CHMP2B: variants seen among roughly 807,000 people sequenced by gnomAD.
CHMP2B encodes the protein VPS2 homolog B.
CHMP2B carries 22 observed loss-of-function variants against 29.8 expected under a neutral mutation model. The ratio of observed to expected loss-of-function variants is 0.74; its 90% CI spans 0.53 to 1.05. The LOEUF (loss-of-function observed/expected upper bound fraction) is 1.05. Among genes scored for constraint, CHMP2B ranks in the 50% least tolerant of loss-of-function variants. The pLI is 0.00. For synonymous variants in CHMP2B, 78 were observed against 75.8 expected, an observed-to-expected ratio of 1.03 and a Z score of -0.15; for missense variants, 261 against 252.2, an observed-to-expected ratio of 1.03 and a Z score of -0.24.
At chr3:87,253,160 T>G (rs576261401) in intron 4 of CHMP2B, 1 of 387,228 alleles carries the variant, frequency 2.6e-6, no homozygotes, top group Non-Finnish European at 4.8e-6. Flanking sequence ...ATTAATTTTT[T>G]AAAAAAGAGT....
At chr3:87,253,272 G>A (rs1706348018) in intron 4 of CHMP2B, 132 bp from the exon 5 acceptor site, 1 of 671,406 alleles carries the variant, frequency 1.5e-6, no homozygotes, top group South Asian at 1.6e-5. Flanking sequence ...CATTTTGAAG[G>A]ATTTTTTTAG....
chr3:87,248,461 AT>A (rs1390216670), intron 3 of CHMP2B, among the ~76,000 whole-genome samples: 2 of 151,590 alleles, frequency 1.3e-5, no homozygotes, highest in Admixed American at 1.3e-4. Context: ...GGTTCAAGTG[AT>A]TCTCCTGCCA....
At position 87,230,534 on chromosome 3, in the gene CHMP2B, A is replaced by G. The variant is rs564142001; in HGVS notation, c.34+2978A>G. Among the ~76,000 whole-genome samples the G allele has an allele frequency of 2.6e-5, 4 of 152,290 alleles. No individual in the cohort carries two copies. The South Asian group carries it at 6.2e-4, about 24-fold the overall frequency. ...GAATTCTCAACTTTTGGTAGATACC[A>G]TGCAACGTTTACATTCTTTCTGGAA... On this transcript the variant is annotated intron_variant, in intron 1 of 5. Transcript: ENST00000263780.
chr3:87,250,342 CT>C (rs1364948644), intron 4 of CHMP2B, among the ~76,000 whole-genome samples: 1 of 151,844 alleles, frequency 6.6e-6, no homozygotes, highest in African/African-American at 2.4e-5. Flanking sequence ...TTTATTCTCA[CT>C]TTTTTTCCCT....
intron 2 of CHMP2B, among the ~76,000 whole-genome samples, chr3:87,242,398 T>C (rs534967084): frequency 3.2e-4 from 48 of 152,252 alleles, no homozygotes; most frequent in African/African-American, 1.1e-3. Flanking sequence ...CTAAGTCTTC[T>C]GTATCATTGC....
chr3:87,229,550 C>T (rs2106889200), intron 1 of CHMP2B, among the ~76,000 whole-genome samples: 1 of 152,028 alleles, frequency 6.6e-6, no homozygotes, highest in South Asian at 2.1e-4. Flanking sequence ...TTTTTATTCC[C>T]TGTTTTATTG....
chr3:87,245,748 A>G lies in CHMP2B; in HGVS notation c.161A>G (p.Asn54Ser), dbSNP rs778990578. 1 of 1,613,734 alleles carries G rather than the reference A, an allele frequency of 6.2e-7. No individual in the cohort carries two copies. Residue 54 changes from asparagine (N) to serine (S), a missense_variant, in exon 3 of 6, where the codon AAT (asparagine) becomes AGT (serine). Transcript: ENST00000263780. ...ATTAAGAAAATGGCCAAGATTGGTA[A>G]TAAGGAAGCTTGCAAAGTTTTAGCC... ...LEIKKMAKIG[N>S]KEACKVLAKQ... is the part of the protein sequence containing the mutation.
At chr3:87,235,161 A>G (rs184788931) in intron 1 of CHMP2B, among the ~76,000 whole-genome samples, 1 of 152,212 alleles carries the variant, frequency 6.6e-6, no homozygotes, top group Non-Finnish European at 1.5e-5. Context: ...TCTTAAAGAG[A>G]TTGTAATCTT....
chr3:87,235,996 C>A (rs1254666148), intron 1 of CHMP2B, among the ~76,000 whole-genome samples: 1 of 152,102 alleles, frequency 6.6e-6, no homozygotes, highest in Non-Finnish European at 1.5e-5. Flanking sequence ...TAGTAATAGC[C>A]AAATGGAAGT....
chr3:87,246,366 A>G (rs984425334), intron 3 of CHMP2B, among the ~76,000 whole-genome samples: 3 of 152,016 alleles, frequency 2.0e-5, no homozygotes, highest in Non-Finnish European at 4.4e-5. Flanking sequence ...TAAACTCCTG[A>G]TCTCAGATGA....
intron 1 of CHMP2B, among the ~76,000 whole-genome samples, chr3:87,236,680 C>T (rs559948151): frequency 3.9e-5 from 6 of 152,034 alleles, no homozygotes; most frequent in South Asian, 2.1e-4. Flanking sequence ...GGTGAAACCC[C>T]GTCTCTACTA....
chr3:87,240,073 G>A (rs1706087593), intron 1 of CHMP2B, among the ~76,000 whole-genome samples: 1 of 151,930 alleles, frequency 6.6e-6, no homozygotes. Context: ...GTGTGTGTGT[G>A]TGACATATAT....
At chr3:87,251,722 C>T (rs540073431) in intron 4 of CHMP2B, among the ~76,000 whole-genome samples, 3 of 152,066 alleles carry the variant, frequency 2.0e-5, no homozygotes, top group African/African-American at 7.2e-5. Context: ...ACAGTTAAGA[C>T]ACAAGATCGT....
chr3:87,237,089 A>G (rs6551463), intron 1 of CHMP2B, among the ~76,000 whole-genome samples: 148,746 of 152,258 alleles, frequency 0.98, 72,768 homozygotes, highest in East Asian at 1. Flanking sequence ...AAGAGGATCG[A>G]GTGTGTTTGG....
At chr3:87,231,444 C>T (rs375177653) in intron 1 of CHMP2B, among the ~76,000 whole-genome samples, 21 of 152,260 alleles carry the variant, frequency 1.4e-4, no homozygotes, top group African/African-American at 5.1e-4. Context: ...CTTTACGATA[C>T]CACCTTTTTG....
At position 87,254,602 on chromosome 3, in the gene CHMP2B, G is replaced by A. The variant is rs573607539; in HGVS notation, c.*780G>A. 2.0e-5 allele frequency: 3 copies of A among 151,932 alleles called. No homozygotes were observed. Among genetic ancestry groups the A allele is most frequent in the South Asian group, 2.1e-4 (1 of 4,798 alleles). 9.4% of individuals were successfully genotyped at this position (151,932 alleles called of 1,614,324 possible). On this transcript the variant is annotated 3_prime_UTR_variant, in exon 6 of 6. Transcript: ENST00000263780. The stretch of plus-strand genomic sequence containing the variant: ...GACACGCCTCTGTTAAAACAGACCA[G>A]GTTTTCCTGGTCTCAGACCTATGAT...
At chr3:87,228,871 A>G (rs755434357) in intron 1 of CHMP2B, among the ~76,000 whole-genome samples, 4 of 129,544 alleles carry the variant, frequency 3.1e-5, no homozygotes, top group Admixed American at 2.6e-4. Flanking sequence ...ATGGCACTTT[A>G]TTTTTTCAGT....
intron 2 of CHMP2B, among the ~76,000 whole-genome samples, chr3:87,243,623 A>T (rs1189349083): frequency 6.6e-6 from 1 of 151,970 alleles, no homozygotes; most frequent in Non-Finnish European, 1.5e-5. Flanking sequence ...GTGAGTGAAG[A>T]TTTTCTTTGT....
At chr3:87,237,617 G>T (rs926877885) in intron 1 of CHMP2B, among the ~76,000 whole-genome samples, 6 of 152,104 alleles carry the variant, frequency 3.9e-5, no homozygotes, top group African/African-American at 1.2e-4. Context: ...AATATTAATA[G>T]ATATTTCTTA....
Sources: gnomAD v4.1 joint callset for allele counts (sites outside exome capture counted in the v4.1 genomes callset) on GRCh38, gnomAD v4.1.1 for gene constraint, MANE v1.5 for transcripts, NCBI Gene and HGNC (gene_info 2026-07-23, HGNC 2026-07-21) for gene names.